Variants in GPHN observed in about 807,000 individuals in gnomAD.
GPHN encodes gephyrin.
In GPHN, 17 loss-of-function variants were observed where a neutral mutation model predicts 95.5. That is an observed-to-expected ratio of 0.18 (90% CI 0.12 to 0.27). GPHN has a LOEUF of 0.27. Among genes scored for constraint, GPHN ranks in the 10% least tolerant of loss-of-function variants. The pLI is 1.00. For missense variants in GPHN, 660 were observed against 978.1 expected, an observed-to-expected ratio of 0.67 and a Z score of 4.34; for synonymous variants, 320 against 322.5, an observed-to-expected ratio of 0.99 and a Z score of 0.08.
chr14:66,642,145 T>TG (rs1200424546), intron 1 of GPHN, among the ~76,000 whole-genome samples: 3 of 152,148 alleles, frequency 2.0e-5, no homozygotes, highest in Non-Finnish European at 4.4e-5. Context: ...GTGGTACCTG[T>TG]GAATATGTCA....
At chr14:67,394,236 A>C in the GPHN span, among the ~76,000 whole-genome samples, 435 of 152,260 alleles carry the variant, frequency 2.9e-3, 8 homozygotes, top group Admixed American at 0.027. Context: ...TTTAACTTAC[A>C]AACAAGAGTG....
At chr14:66,896,489 G>A (rs1023797300) in intron 5 of GPHN, among the ~76,000 whole-genome samples, 3 of 151,996 alleles carry the variant, frequency 2.0e-5, no homozygotes, top group South Asian at 2.1e-4. Flanking sequence ...ATGATAGCAC[G>A]TGCCTGTAGC....
chr14:66,661,910 C>T (rs1029241907), intron 1 of GPHN, among the ~76,000 whole-genome samples: 1 of 152,134 alleles, frequency 6.6e-6, no homozygotes. Context: ...CCATGGCCAT[C>T]CTGCTTCCTT....
At chr14:67,569,257 G>A in the GPHN span, 2,859 of 1,399,546 alleles carry the variant, frequency 2.0e-3, 74 homozygotes, top group African/African-American at 0.035. Flanking sequence ...AACACCCAAG[G>A]TGGGCAGGGT....
chr14:66,587,827 G>A (rs556105306), intron 1 of GPHN, among the ~76,000 whole-genome samples: 75 of 152,308 alleles, frequency 4.9e-4, no homozygotes, highest in African/African-American at 1.7e-3. Context: ...AGACTTAAAT[G>A]TTCCTGCCTG....
intron 1 of GPHN, among the ~76,000 whole-genome samples, chr14:66,534,500 T>C (rs954438362): frequency 1.3e-5 from 2 of 152,208 alleles, no homozygotes; most frequent in African/African-American, 2.4e-5. Flanking sequence ...TTTATTCTTC[T>C]GTTAATGGAC....
intron 10 of GPHN, among the ~76,000 whole-genome samples, chr14:67,052,694 G>A (rs2075360890): frequency 6.6e-6 from 1 of 152,086 alleles, no homozygotes; most frequent in Non-Finnish European, 1.5e-5. Flanking sequence ...TGCATAATTG[G>A]AAGTAAAACA....
chr14:66,769,711 T>C (rs1207510398), intron 2 of GPHN, among the ~76,000 whole-genome samples: 1 of 152,190 alleles, frequency 6.6e-6, no homozygotes, highest in South Asian at 2.1e-4. Flanking sequence ...ATGTACATTT[T>C]CTTTATTCAG....
At chr14:67,600,086 A>C in the GPHN span, 1 of 1,594,290 alleles carries the variant, frequency 6.3e-7, no homozygotes, top group South Asian at 1.1e-5. Context: ...GCGGTGAGCG[A>C]ACGCAGCGAG....
chr14:66,802,864 C>T (rs1187326879), intron 3 of GPHN, among the ~76,000 whole-genome samples: 1 of 152,164 alleles, frequency 6.6e-6, no homozygotes, highest in Non-Finnish European at 1.5e-5. Flanking sequence ...GTCTCCTCTC[C>T]TCAAGTGGAT....
chr14:66,967,931 AC>A (rs1353893897), intron 9 of GPHN, among the ~76,000 whole-genome samples: 2 of 151,878 alleles, frequency 1.3e-5, no homozygotes, highest in Non-Finnish European at 2.9e-5. Context: ...ATCAATAATG[AC>A]CACTTTAAAG....
chr14:67,380,897 C>A, the GPHN span: 1 of 457,648 alleles, frequency 2.2e-6, no homozygotes, highest in South Asian at 7.0e-5. Context: ...TTTTTTATAA[C>A]AAAAGCTTAA....
chr14:66,798,136 C>T (rs2060222276), intron 3 of GPHN, among the ~76,000 whole-genome samples: 1 of 151,852 alleles, frequency 6.6e-6, no homozygotes, highest in Admixed American at 6.6e-5. Flanking sequence ...GACTGATTTG[C>T]ATATGTTGAA....
At chr14:66,597,512 A>G (rs1449152394) in intron 1 of GPHN, among the ~76,000 whole-genome samples, 2 of 152,170 alleles carry the variant, frequency 1.3e-5, no homozygotes, top group Non-Finnish European at 1.5e-5. Flanking sequence ...CTTGGCCACA[A>G]CGTTGCTCCA....
chr14:67,237,959 G>A, the GPHN span, among the ~76,000 whole-genome samples: 1 of 150,676 alleles, frequency 6.6e-6, no homozygotes, highest in African/African-American at 2.5e-5. Flanking sequence ...ATCCATGTTA[G>A]ACTCTATATG....
chr14:66,933,666 T>C (rs1004611004), intron 8 of GPHN, among the ~76,000 whole-genome samples: 1 of 152,342 alleles, frequency 6.6e-6, no homozygotes, highest in Non-Finnish European at 1.5e-5. Context: ...GAAATAATAA[T>C]TATCCTGTAT....
At chr14:67,180,703 G>T in intron 22 of GPHN, 101 bp from the exon 23 acceptor site, 1 of 1,135,310 alleles carries the variant, frequency 8.8e-7, no homozygotes. Flanking sequence ...TCCTCTTGAA[G>T]ACCCGCATTT....
the GPHN span, chr14:67,333,923 G>C: frequency 6.6e-6 from 1 of 152,542 alleles, no homozygotes; most frequent in African/African-American, 2.4e-5. Flanking sequence ...CTATGACTGT[G>C]CTACGTATAT....
chr14:66,967,348 T>G (rs979537944), intron 9 of GPHN, among the ~76,000 whole-genome samples: 8 of 152,100 alleles, frequency 5.3e-5, no homozygotes, highest in African/African-American at 1.7e-4. Flanking sequence ...AAATTTGTCT[T>G]TCTAGTAAGA....
Sources: gnomAD v4.1 joint callset for allele counts (sites outside exome capture counted in the v4.1 genomes callset) on GRCh38, gnomAD v4.1.1 for gene constraint, MANE v1.5 for transcripts, NCBI Gene and HGNC (gene_info 2026-07-23, HGNC 2026-07-21) for gene names.